CRLS1: variants seen among roughly 807,000 people sequenced by gnomAD.
CRLS1 encodes the protein cardiolipin synthase 1, also known as cardiolipin synthase (CMP-forming).
A neutral mutation model predicts 37.0 loss-of-function variants in CRLS1; 24 were observed. That is an observed-to-expected ratio of 0.65 (90% CI 0.47 to 0.91). The LOEUF (loss-of-function observed/expected upper bound fraction) is 0.91. Among genes scored for constraint, CRLS1 ranks in the 40% least tolerant of loss-of-function variants. CRLS1 has a pLI of 0.00. For synonymous variants in CRLS1, 135 were observed against 159.7 expected, an observed-to-expected ratio of 0.85 and a Z score of 1.17; for missense variants, 373 against 395.8, an observed-to-expected ratio of 0.94 and a Z score of 0.49.
chr20:6,019,565 A>G (rs1256405409), intron 3 of CRLS1, among the ~76,000 whole-genome samples: 2 of 139,202 alleles, frequency 1.4e-5, no homozygotes, highest in East Asian at 4.1e-4. Flanking sequence ...AGTTTTATGA[A>G]TCTTTTGAAA....
At chr20:6,011,572 CTTTTTTTTTTTTTTTTTT>C (rs559511975) in intron 2 of CRLS1, among the ~76,000 whole-genome samples, 1,910 of 28,014 alleles carry the variant, frequency 0.068, 126 homozygotes, top group African/African-American at 0.18. Flanking sequence ...TTTGTCCCTG[CTTTTTTTTTTTTTTTTTT>C]TTTTTTTTTT....
At chr20:6,035,117 A>G (rs1461652766) in intron 6 of CRLS1, among the ~76,000 whole-genome samples, 1 of 152,254 alleles carries the variant, frequency 6.6e-6, no homozygotes, top group Non-Finnish European at 1.5e-5. Flanking sequence ...TTTTGGCACA[A>G]TTTTAACTAG....
chr20:6,007,811 CTG>C (rs1458817475), intron 1 of CRLS1, among the ~76,000 whole-genome samples: 3 of 152,164 alleles, frequency 2.0e-5, no homozygotes, highest in African/African-American at 7.2e-5. Flanking sequence ...TCTTTGGACT[CTG>C]AAACACTCTG....
At chr20:6,007,088 G>A (rs6076908) in intron 1 of CRLS1, among the ~76,000 whole-genome samples, 14,154 of 152,236 alleles carry the variant, frequency 0.093, 866 homozygotes, top group Middle Eastern at 0.21. Flanking sequence ...TATTCTTGAG[G>A]TAACGGAGGG....
intron 1 of CRLS1, among the ~76,000 whole-genome samples, chr20:6,009,001 T>TA (rs2090096250): frequency 6.6e-6 from 1 of 152,226 alleles, no homozygotes. Flanking sequence ...TGGCAGATAA[T>TA]ACATGTGTTC....
At chr20:6,028,402 ATTATT>A (rs1443480795) in intron 3 of CRLS1, 17 of 151,770 alleles carry the variant, frequency 1.1e-4, no homozygotes, top group Non-Finnish European at 2.2e-4. Context: ...ACATTTTTGT[ATTATT>A]TTATTTTTAT....
At chr20:6,012,021 G>A (rs111816537) in intron 2 of CRLS1, among the ~76,000 whole-genome samples, 63 of 134,802 alleles carry the variant, frequency 4.7e-4, no homozygotes, top group African/African-American at 1.4e-3. Context: ...CTCCTTTTTT[G>A]TCTGCTACGT....
At chr20:6,029,768 T>C (rs1980006488) in intron 3 of CRLS1, among the ~76,000 whole-genome samples, 1 of 152,252 alleles carries the variant, frequency 6.6e-6, no homozygotes, top group Non-Finnish European at 1.5e-5. Context: ...CTCACTGTTT[T>C]CATGCTTGGC....
chr20:6,032,502 A>G (rs1980244034), intron 5 of CRLS1, among the ~76,000 whole-genome samples: 1 of 151,906 alleles, frequency 6.6e-6, no homozygotes, highest in African/African-American at 2.4e-5. Context: ...CTTGGCTGTA[A>G]CTGCTTCTTA....
At chr20:6,016,845 C>G (rs77049593) in intron 3 of CRLS1, among the ~76,000 whole-genome samples, 2,832 of 152,198 alleles carry the variant, frequency 0.019, 90 homozygotes, top group African/African-American at 0.064. Context: ...TTAAGTTACT[C>G]CTTTTCTCCA....
intron 5 of CRLS1, among the ~76,000 whole-genome samples, chr20:6,032,417 TGGAA>T (rs1420751747): frequency 3.3e-5 from 5 of 151,326 alleles, no homozygotes; most frequent in Non-Finnish European, 7.4e-5. Flanking sequence ...CAGGCTGGTA[TGGAA>T]CTCCTGGCTT....
chr20:6,025,936 A>T (rs1979650063), intron 3 of CRLS1, among the ~76,000 whole-genome samples: 1 of 152,234 alleles, frequency 6.6e-6, no homozygotes, highest in Admixed American at 6.5e-5. Flanking sequence ...TAGAGATGAA[A>T]TATACTCCTG....
At chr20:6,034,642 T>TACAG in intron 6 of CRLS1, 87 bp downstream of exon 6, 1 of 964,222 alleles carries the variant, frequency 1.0e-6, no homozygotes, top group Non-Finnish European at 1.6e-6. Context: ...CTTACAGCAT[T>TACAG]TGTTGAGCAC....
rs2090110497 is a variant in CRLS1 at position 6,009,913 on chromosome 20, G to A, written c.444+1G>A. On this transcript the variant is annotated splice_donor_variant, in intron 2 of 6. Coordinates refer to ENST00000378863, the MANE Select transcript of CRLS1 (RefSeq NM_019095.6). LOFTEE classifies it high-confidence loss of function. Reference sequence around the variant, plus strand: ...TGCTTTAGCTGGACTAACAGATTTGGTAAGTTGTAAATGCACTCCCAGTTT... The same window carrying A: ...TGCTTTAGCTGGACTAACAGATTTGATAAGTTGTAAATGCACTCCCAGTTT... 1 of 1,613,200 alleles carries A rather than the reference G, an allele frequency of 6.2e-7. No individual in the cohort carries two copies. Among genetic ancestry groups the A allele is most frequent in the African/African-American group, 1.3e-5 (1 of 74,884 alleles).
At position 6,035,077 on chromosome 20, in the gene CRLS1, A is replaced by G. The variant is rs533695557; in HGVS notation, c.821+522A>G. ...GTCAAATTCACGCTTTCAGAGTTCA[A>G]AATAGTCACATTGACATTGGAGTAT... On this transcript the variant is annotated intron_variant, in intron 6 of 6. Transcript: ENST00000378863. 7.1e-4 allele frequency among the ~76,000 whole-genome samples: 108 copies of G among 152,394 alleles called. 2 individuals carry two copies. The highest frequency in any genetic ancestry group is 2.3e-3 in the African/African-American group (95 of 41,600).
In CRLS1 at chr20:6,006,515, C is replaced by T. The variant is rs1354071271; in HGVS notation, c.269C>T (p.Pro90Leu). Reference sequence around the variant, plus strand: ...GGAGCGGGCGCCGCTGCCGAAGCCCCGGGCGGCCAGTGGGGCCCGGCGAGC... The same window carrying T: ...GGAGCGGGCGCCGCTGCCGAAGCCCTGGGCGGCCAGTGGGGCCCGGCGAGC... The part of the protein sequence containing the change: ...AAGAGAAAEA[P>L]GGQWGPASTP... Residue 90 changes from proline to leucine, a missense_variant, in exon 1 of 7, where the codon CCG becomes CTG. Coordinates refer to ENST00000378863, the MANE Select transcript of CRLS1 (RefSeq NM_019095.6). 3 of 1,334,986 alleles carry T rather than the reference C, an allele frequency of 2.2e-6. No individual in the cohort carries two copies. The highest frequency in any genetic ancestry group is 3.1e-5 in the East Asian group (1 of 31,964). 82.7% of individuals were successfully genotyped at this position (1,334,986 alleles called of 1,614,324 possible).
At chr20:6,033,529 A>G (rs984810488) in intron 5 of CRLS1, among the ~76,000 whole-genome samples, 3 of 152,138 alleles carry the variant, frequency 2.0e-5, no homozygotes, top group Non-Finnish European at 2.9e-5. Flanking sequence ...TCGCTTTTTC[A>G]TACTTTGCAG....
chr20:6,029,095 T>G (rs1042395527), intron 3 of CRLS1, among the ~76,000 whole-genome samples: 2 of 151,946 alleles, frequency 1.3e-5, no homozygotes, highest in African/African-American at 4.8e-5. Context: ...CTGAGCTCTC[T>G]CAAGGTGACT....
At chr20:6,013,559 C>G (rs1362530925) in intron 2 of CRLS1, among the ~76,000 whole-genome samples, 1 of 151,996 alleles carries the variant, frequency 6.6e-6, no homozygotes, top group Admixed American at 6.6e-5. Context: ...GATGGGCTGA[C>G]TACGGTTTTC....
Sources: allele counts gnomAD v4.1 joint callset (sites outside exome capture counted in the v4.1 genomes callset), GRCh38; gene constraint gnomAD v4.1.1; transcripts MANE v1.5; gene names NCBI Gene and HGNC (gene_info 2026-07-23, HGNC 2026-07-21).